The following ARSH variants were observed in gnomAD, a reference collection of about 807,000 sequenced individuals.
The protein encoded by ARSH is arylsulfatase H.
A neutral mutation model predicts 28.7 loss-of-function variants in ARSH; 32 were observed. The ratio of observed to expected loss-of-function variants is 1.11; its 90% CI spans 0.84 to 1.50. The LOEUF (loss-of-function observed/expected upper bound fraction) is 1.50, where lower values mean the gene tolerates loss of function less well. Ranked by LOEUF, ARSH falls within the 40% of genes most tolerant of loss-of-function variation. ARSH has a pLI of 0.00. For synonymous variants in ARSH, 176 were observed against 177.3 expected (o/e 0.99, Z 0.06); for missense variants, 440 against 452.4 (o/e 0.97, Z 0.25).
chrX:3,011,853 T>A (rs1187314388), intron 2 of ARSH, among the ~76,000 whole-genome samples: 1 of 111,553 alleles, frequency 9.0e-6, no homozygotes, highest in Non-Finnish European at 1.9e-5. Context: ...ATATACTTTT[T>A]TCTTTTGAGA....
intron 1 of ARSH, among the ~76,000 whole-genome samples, chrX:3,007,674 T>A (rs1283700879): frequency 9.3e-6 from 1 of 108,075 alleles, no homozygotes; most frequent in Non-Finnish European, 1.9e-5. Context: ...CCTCATCTCT[T>A]CTTCTTATGA....
intron 2 of ARSH, among the ~76,000 whole-genome samples, chrX:3,010,405 C>T (rs2089843373): frequency 9.0e-6 from 1 of 111,456 alleles, no homozygotes; most frequent in African/African-American, 3.3e-5. Flanking sequence ...ATGGTCAACA[C>T]TCCCATTTTC....
At position 3,007,611 on chromosome X, in the gene ARSH, T is replaced by C. The variant is rs748021673; in HGVS notation, c.92+907T>C. Among the ~76,000 whole-genome samples, 6 of 110,660 alleles carry C rather than the reference T, an allele frequency of 5.4e-5. No individual in the cohort carries two copies. The South Asian group carries it at 1.6e-3, about 29-fold the overall frequency. On this transcript the variant is annotated intron_variant, in intron 1 of 8. Transcript: ENST00000381130. ...GAGGCCTCTCTCCTGTCCTTGTAGA[T>C]GCCGTCTTCTCCCTGTGTCTTCACA...
At chrX:3,024,970 A>G (rs1355450430) in intron 6 of ARSH, among the ~76,000 whole-genome samples, 1 of 111,142 alleles carries the variant, frequency 9.0e-6, no homozygotes. Flanking sequence ...TAAAATCAGA[A>G]TGTTTGAACT....
chrX:3,008,467 T>A (rs975416247), intron 1 of ARSH, among the ~76,000 whole-genome samples: 9 of 93,885 alleles, frequency 9.6e-5, no homozygotes, highest in African/African-American at 3.6e-4. Context: ...CTTTCTTTCT[T>A]TCTTTCTTTC....
Position 3,013,180 on chromosome X carries a change from G to A in ARSH, c.340+8G>A. On this transcript the variant is annotated splice_region_variant and intron_variant, in intron 3 of 8. Coordinates refer to ENST00000381130, the MANE Select transcript of ARSH (RefSeq NM_001011719.2). The stretch of plus-strand genomic sequence containing the variant: ...ACCGCACGGGACTCATAGGTATGGC[G>A]CCGGAACTCTGCCCGTGGAAACGTG... The A allele has an allele frequency of 2.5e-6, 3 of 1,199,792 alleles. No homozygotes were observed. The highest frequency in any genetic ancestry group is 3.4e-6 in the Non-Finnish European group (3 of 890,042).
intron 5 of ARSH, among the ~76,000 whole-genome samples, chrX:3,019,118 A>C (rs753037647): frequency 9.1e-6 from 1 of 110,113 alleles, no homozygotes; most frequent in Admixed American, 9.8e-5. Context: ...TACAAAAATT[A>C]GCCAGGCATG....
At chrX:3,023,595 C>G (rs1393751326) in intron 5 of ARSH, among the ~76,000 whole-genome samples, 1 of 106,236 alleles carries the variant, frequency 9.4e-6, no homozygotes, top group Non-Finnish European at 1.9e-5. Context: ...ATATTTTGTT[C>G]TATTCCATAA....
chrX:3,023,079 A>G (rs1170131113), intron 5 of ARSH, among the ~76,000 whole-genome samples: 2 of 106,649 alleles, frequency 1.9e-5, no homozygotes, highest in Non-Finnish European at 3.8e-5. Context: ...ATAAAATTGT[A>G]TAATAAACCA....
At chrX:3,012,823 T>C (rs1409703444) in intron 2 of ARSH, among the ~76,000 whole-genome samples, 2 of 107,252 alleles carry the variant, frequency 1.9e-5, no homozygotes, top group African/African-American at 6.8e-5. Flanking sequence ...CAAATGGATA[T>C]AACTAAGTGT....
intron 2 of ARSH, among the ~76,000 whole-genome samples, chrX:3,011,923 A>G (rs1406546915): frequency 1.8e-5 from 2 of 111,177 alleles, no homozygotes; most frequent in African/African-American, 6.5e-5. Flanking sequence ...GCTCATTGCA[A>G]CCTCTGCCTC....
At chrX:3,012,569 ATAT>A (rs1466144095) in intron 2 of ARSH, among the ~76,000 whole-genome samples, 5 of 18,290 alleles carry the variant, frequency 2.7e-4, no homozygotes, top group African/African-American at 9.2e-4. Flanking sequence ...AAAAAAAAAA[ATAT>A]ATATATATAT....
chrX:3,010,073 AC>A lies in ARSH; in HGVS notation c.139del (p.Gln47SerfsTer17). On this transcript the variant is annotated frameshift_variant, in exon 2 of 9. Transcript: ENST00000381130. LOFTEE classifies it high-confidence loss of function. ...DRLASEGVRL[T>X]QHLAAASMCT... ...CCTGGCAAGTGAAGGAGTGAGGCTTACCCAGCATCTCGCAGCTGCTTCCATG... is the reference window on the plus strand; with the variant it reads ...CCTGGCAAGTGAAGGAGTGAGGCTTACCAGCATCTCGCAGCTGCTTCCATG... The A allele has an allele frequency of 2.5e-6, 3 of 1,211,370 alleles. No homozygotes were observed. The African/African-American group carries it at 5.2e-5, about 21-fold the overall frequency.
intron 5 of ARSH, among the ~76,000 whole-genome samples, chrX:3,020,830 C>T (rs1009522213): frequency 9.1e-6 from 1 of 110,153 alleles, no homozygotes; most frequent in Non-Finnish European, 1.9e-5. Context: ...TATATATATA[C>T]ACACCCAGCT....
At chrX:3,031,649 A>T (rs1013824092) in intron 8 of ARSH, among the ~76,000 whole-genome samples, 1 of 111,693 alleles carries the variant, frequency 9.0e-6, no homozygotes, top group Admixed American at 9.6e-5. Flanking sequence ...AGTAAATAAA[A>T]ATCTATGTTT....
At chrX:3,006,985 T>G (rs914899954) in intron 1 of ARSH, among the ~76,000 whole-genome samples, 1 of 110,832 alleles carries the variant, frequency 9.0e-6, no homozygotes, top group Non-Finnish European at 1.9e-5. Context: ...CTCAAGCCTA[T>G]AATCCCAGCA....
Position 3,027,542 on chromosome X carries a change from AT to A in ARSH, c.1199+69del, listed in dbSNP as rs373057137. 1.1e-4 allele frequency: 114 copies of A among 1,064,228 alleles called. No homozygotes were observed. The African/African-American group carries it at 1.9e-3, about 18-fold the overall frequency. The allele number at this position is 1,064,228 out of a possible 1,213,427, so 87.7% of individuals were successfully genotyped here. A position where few individuals can be genotyped will look rare whatever the true frequency, so the allele number is the denominator to read the frequency against. On this transcript the variant is annotated intron_variant, in intron 7 of 8. Transcript: ENST00000381130. ...TGAACATAAGTGGATATACTTGATAATTCTATGTGTGTGTGTATGTACATAG... is the reference window on the plus strand; with the variant it reads ...TGAACATAAGTGGATATACTTGATAATCTATGTGTGTGTGTATGTACATAG...
At chrX:3,008,676 A>C (rs1461443429) in intron 1 of ARSH, among the ~76,000 whole-genome samples, 1 of 109,225 alleles carries the variant, frequency 9.2e-6, no homozygotes, top group Non-Finnish European at 1.9e-5. Context: ...CAGCCTCCTG[A>C]GTAGCTGGGA....
chrX:3,019,264 CAAAAAAA>C (rs146298584), intron 5 of ARSH, among the ~76,000 whole-genome samples: 2 of 69,624 alleles, frequency 2.9e-5, no homozygotes, highest in Non-Finnish European at 5.4e-5. Context: ...GATTCTGTTT[CAAAAAAA>C]AAAAAAAAAA....
Sources: allele counts gnomAD v4.1 joint callset (sites outside exome capture counted in the v4.1 genomes callset), GRCh38; gene constraint gnomAD v4.1.1; transcripts MANE v1.5; gene names NCBI Gene and HGNC (gene_info 2026-07-23, HGNC 2026-07-21).